IFT140: variants seen among roughly 807,000 people sequenced by gnomAD.
The protein encoded by IFT140 is intraflagellar transport protein 140 homolog.
IFT140 carries 133 observed loss-of-function variants against 164.6 expected under a neutral mutation model. That is an observed-to-expected ratio of 0.81 (90% CI 0.70 to 0.93). The LOEUF (loss-of-function observed/expected upper bound fraction) is 0.93. Among genes scored for constraint, IFT140 ranks in the 40% least tolerant of loss-of-function variants. The pLI is 0.00. For synonymous variants in IFT140, 860 were observed against 817.3 expected, an observed-to-expected ratio of 1.05 and a Z score of -0.89; for missense variants, 2,045 against 1,972.3, an observed-to-expected ratio of 1.04 and a Z score of -0.70.
intron 13 of IFT140, among the ~76,000 whole-genome samples, chr16:1,579,003 GCGCTCGGC>G (rs1357528147): frequency 6.6e-6 from 1 of 152,212 alleles, no homozygotes; most frequent in Non-Finnish European, 1.5e-5. Flanking sequence ...GTGAGTTACA[GCGCTCGGC>G]CTTTATATAA....
chr16:1,568,326 T>C lies in IFT140; in HGVS notation c.1661A>G (p.Lys554Arg), dbSNP rs759098015. 5.6e-6 allele frequency: 9 copies of C among 1,613,406 alleles called. No individual in the cohort carries two copies. Among genetic ancestry groups the C allele is most frequent in the African/African-American group, 1.3e-5 (1 of 74,922 alleles). The change falls in exon 15 of 31, where the codon AAA (lysine) becomes AGA (arginine). Residue 554 changes from lysine to arginine, a missense_variant. Lys to Arg is a conservative substitution (Grantham distance 26). Coordinates refer to ENST00000426508, the MANE Select transcript of IFT140 (RefSeq NM_014714.4). ...CAGGCTCCTGCAGCTACAGTGTGCT[T>C]TGGCCTCTCTGCAGGGAGGAAGAGG... ...KSFDLSRREA[K>R]AHCSCRSLAE...
At chr16:1,576,216 G>T (rs1352085263) in intron 13 of IFT140, among the ~76,000 whole-genome samples, 1 of 150,746 alleles carries the variant, frequency 6.6e-6, no homozygotes, top group African/African-American at 2.5e-5. Context: ...AACCTGGGAG[G>T]TGGAGGTTGC....
intron 29 of IFT140, among the ~76,000 whole-genome samples, chr16:1,518,859 T>A (rs1260444113): frequency 6.6e-6 from 1 of 151,998 alleles, no homozygotes; most frequent in Non-Finnish European, 1.5e-5. Context: ...GTGAGCCTGC[T>A]GGAACACAAC....
intron 19 of IFT140, among the ~76,000 whole-genome samples, chr16:1,537,036 T>A (rs1275908576): frequency 6.6e-6 from 1 of 152,206 alleles, no homozygotes; most frequent in East Asian, 1.9e-4. Context: ...TCCAGCCAGC[T>A]CCTAGCGTCT....
intron 12 of IFT140, among the ~76,000 whole-genome samples, chr16:1,581,939 G>C (rs948291026): frequency 2.0e-5 from 3 of 152,110 alleles, no homozygotes; most frequent in Non-Finnish European, 4.4e-5. Context: ...GGAAAGATCT[G>C]AGGGAGAGGC....
At chr16:1,547,251 C>T (rs1026163499) in intron 19 of IFT140, among the ~76,000 whole-genome samples, 2 of 152,210 alleles carry the variant, frequency 1.3e-5, no homozygotes, top group African/African-American at 4.8e-5. Flanking sequence ...CTAGAAAGGG[C>T]ACCATGGATG....
intron 20 of IFT140, 29 bp from the exon 21 acceptor site, chr16:1,526,106 G>A (rs1297803299): frequency 1.9e-6 from 3 of 1,550,360 alleles, no homozygotes; most frequent in Non-Finnish European, 1.7e-6. Context: ...CAGGTGTCGT[G>A]CAGCCTCCAC....
At chr16:1,517,975 C>T (rs1159585023) in intron 30 of IFT140, 2 of 370,542 alleles carry the variant, frequency 5.4e-6, no homozygotes, top group African/African-American at 4.2e-5. Flanking sequence ...GCAGCTGGGA[C>T]CCCAGGTGTG....
intron 2 of IFT140, among the ~76,000 whole-genome samples, chr16:1,609,245 A>T (rs1226023621): frequency 6.6e-6 from 1 of 152,230 alleles, no homozygotes; most frequent in African/African-American, 2.4e-5. Context: ...TTACTCTGTG[A>T]AAATATTTCT....
intron 15 of IFT140, among the ~76,000 whole-genome samples, chr16:1,567,906 T>G (rs969116507): frequency 6.6e-6 from 1 of 152,134 alleles, no homozygotes; most frequent in Non-Finnish European, 1.5e-5. Context: ...AAGGCAGGGA[T>G]GAAGAGGAAG....
At chr16:1,568,411 T>G (rs2033841808) in intron 14 of IFT140, 77 bp from the exon 15 acceptor site, 4 of 1,169,500 alleles carry the variant, frequency 3.4e-6, no homozygotes, top group Non-Finnish European at 5.0e-6. Flanking sequence ...AAACCTCTGT[T>G]CACCGGATGA....
intron 4 of IFT140, among the ~76,000 whole-genome samples, chr16:1,601,221 G>A (rs2035780757): frequency 6.7e-6 from 1 of 149,728 alleles, no homozygotes; most frequent in Admixed American, 6.7e-5. Flanking sequence ...CTGAGAACGT[G>A]CCACTGCACT....
At chr16:1,556,388 GCCT>G (rs1384939295) in intron 19 of IFT140, among the ~76,000 whole-genome samples, 3 of 152,256 alleles carry the variant, frequency 2.0e-5, no homozygotes. Context: ...CTGGCCTGGC[GCCT>G]CCTCTGCCTG....
intron 19 of IFT140, among the ~76,000 whole-genome samples, chr16:1,543,294 T>C (rs542446901): frequency 1.3e-5 from 2 of 152,386 alleles, no homozygotes; most frequent in East Asian, 3.9e-4. Context: ...CTAGGAATAA[T>C]GATCCTGGGC....
In IFT140 at chr16:1,553,289, T is replaced by A; in HGVS notation, c.2399+4646A>T. 3.1e-6 allele frequency: 3 copies of A among 982,942 alleles called. No individual in the cohort carries two copies. Among genetic ancestry groups the A allele is most frequent in the Non-Finnish European group, 3.6e-6 (3 of 827,680 alleles). The allele number at this position is 982,942 out of a possible 1,614,324, so 60.9% of individuals were successfully genotyped here. ...CTTGGTCTCTGTCTCTCTGTGTCTC[T>A]GCCTGTCTCTCTGTGTCTCTGTCTC... is the stretch of plus-strand genomic sequence containing the variant. On this transcript the variant is annotated intron_variant, in intron 19 of 30. Transcript: ENST00000426508. This position sits in a 1 kb window ranked among gnomAD's most constrained non-coding sequence, Gnocchi z 4.4.
intron 19 of IFT140, chr16:1,541,813 C>T (rs573191192): frequency 1.5e-5 from 21 of 1,359,420 alleles, no homozygotes; most frequent in East Asian, 2.6e-5. Flanking sequence ...CAGCCTGTGC[C>T]GACCGCCCTT....
intron 29 of IFT140, among the ~76,000 whole-genome samples, chr16:1,518,956 C>T (rs542462639): frequency 6.2e-4 from 95 of 152,256 alleles, no homozygotes; most frequent in African/African-American, 2.0e-3. Flanking sequence ...CCCACTGACT[C>T]GGCCATTCCA....
At chr16:1,604,987 T>G (rs998715233) in intron 3 of IFT140, among the ~76,000 whole-genome samples, 1 of 152,048 alleles carries the variant, frequency 6.6e-6, no homozygotes, top group African/African-American at 2.4e-5. Flanking sequence ...TGAGGTCTCC[T>G]TGAAACACCC....
In IFT140 at chr16:1,592,217, C is replaced by G. The variant is rs983329531; in HGVS notation, c.593G>C (p.Gly198Ala). ...AAAGAACAACAGCCCCTCGTGAGAC[C>G]CCATCTTCAGCAAACTTCCAGAACT... is the stretch of plus-strand genomic sequence containing the variant. Reference protein sequence around the residue: ...KSSSGSLLKMGSHEGLLFFVS... With the variant: ...KSSSGSLLKMASHEGLLFFVS... The change falls in exon 6 of 31, where the codon GGG (glycine) becomes GCG (alanine). Residue 198 changes from glycine (G) to alanine (A), a missense_variant. Coordinates refer to ENST00000426508, the MANE Select transcript of IFT140 (RefSeq NM_014714.4). The G allele has an allele frequency of 3.1e-6, 5 of 1,614,054 alleles. No individual in the cohort carries two copies. In the African/African-American group the frequency reaches 6.7e-5, roughly 22 times the overall value.
Sources: allele counts gnomAD v4.1 joint callset (sites outside exome capture counted in the v4.1 genomes callset), GRCh38; gene constraint gnomAD v4.1.1; non-coding constraint Gnocchi (gnomAD v3.1); transcripts MANE v1.5; gene names NCBI Gene and HGNC (gene_info 2026-07-23, HGNC 2026-07-21).